The following RANBP2 variants were observed in gnomAD, a reference collection of about 807,000 sequenced individuals.
RANBP2 encodes the protein E3 SUMO-protein ligase RanBP2.
RANBP2 carries 57 observed loss-of-function variants against 303.6 expected under a neutral mutation model. The observed-to-expected ratio is 0.19, with a 90% CI of 0.15 to 0.23. The LOEUF is 0.23. Ranked by LOEUF, RANBP2 falls within the 10% of genes least tolerant of loss-of-function variation. The pLI is 1.00. For missense variants in RANBP2, 3,138 were observed against 3,780.8 expected (o/e 0.83, Z 4.46); for synonymous variants, 1,167 against 1,301.5 (o/e 0.90, Z 2.23).
At chr2:109,442,449 A>G in the RANBP2 span, among the ~76,000 whole-genome samples, 1 of 152,218 alleles carries the variant, frequency 6.6e-6, no homozygotes, top group East Asian at 1.9e-4. Context: ...AACTACATAG[A>G]TAAATATATA....
the RANBP2 span, among the ~76,000 whole-genome samples, chr2:109,467,976 G>T: frequency 4.6e-5 from 7 of 152,230 alleles, no homozygotes; most frequent in Non-Finnish European, 8.8e-5. Context: ...GAGGCAGAGA[G>T]ACCCTGGAGG....
the RANBP2 span, among the ~76,000 whole-genome samples, chr2:108,916,638 C>G: frequency 6.6e-6 from 1 of 152,136 alleles, no homozygotes; most frequent in Non-Finnish European, 1.5e-5. Context: ...AGGCTGGGTG[C>G]TCCCTGGTGT....
the RANBP2 span, among the ~76,000 whole-genome samples, chr2:109,221,539 G>T: frequency 3.4e-5 from 5 of 145,170 alleles, no homozygotes; most frequent in Admixed American, 7.1e-5. Context: ...CCGCGATCGC[G>T]CCAGTGCACT....
the RANBP2 span, among the ~76,000 whole-genome samples, chr2:109,596,474 G>A: frequency 0.36 from 54,204 of 151,792 alleles, 11,303 homozygotes; most frequent in Middle Eastern, 0.55. Context: ...AAAATTAGCC[G>A]AGCGTGCTGG....
rs772008468 is a variant in RANBP2 at position 108,749,127 on chromosome 2, T to G, written c.1271T>G (p.Val424Gly). ...CTTGAAGATTTGACTAGATACGATG[T>G]TGGTAAGTTATATGTTTCAGAGGAA... is the stretch of plus-strand genomic sequence containing the variant. ...PELEDLTRYD[V>G]GAIRAHNGSL... is the part of the protein sequence containing the mutation. The change falls in exon 9 of 29, where the codon GTT (valine) becomes GGT (glycine). Residue 424 changes from valine to glycine, a missense_variant and splice_region_variant. Physicochemically the swap from Val to Gly is moderately radical, Grantham distance 109 (BLOSUM62 -3). Transcript: ENST00000283195. 1.2e-6 allele frequency: 2 copies of G among 1,611,874 alleles called. No individual in the cohort carries two copies. The highest frequency in any genetic ancestry group is 2.7e-5 in the African/African-American group (2 of 74,858).
At chr2:109,741,490 C>T in the RANBP2 span, among the ~76,000 whole-genome samples, 11 of 143,572 alleles carry the variant, frequency 7.7e-5, no homozygotes, top group Admixed American at 4.9e-4. Flanking sequence ...AGGCCGAGGC[C>T]GGCAGATCAC....
the RANBP2 span, among the ~76,000 whole-genome samples, chr2:109,055,721 C>T: frequency 1.2e-3 from 171 of 146,186 alleles, no homozygotes; most frequent in Non-Finnish European, 1.7e-3. Flanking sequence ...TGGTATCTGT[C>T]GTAATGTCTT....
the RANBP2 span, among the ~76,000 whole-genome samples, chr2:108,842,193 A>G: frequency 8.9e-6 from 1 of 112,196 alleles, no homozygotes; most frequent in African/African-American, 3.0e-5. Context: ...ACACCTGGCT[A>G]ATTAAAAAGT....
the RANBP2 span, among the ~76,000 whole-genome samples, chr2:109,201,762 T>G: frequency 6.3e-3 from 962 of 152,170 alleles, 4 homozygotes; most frequent in Non-Finnish European, 9.3e-3. Context: ...GAAAGGAGCA[T>G]TGGTAGGAAA....
chr2:109,173,544 A>G, the RANBP2 span, among the ~76,000 whole-genome samples: 13 of 152,200 alleles, frequency 8.5e-5, no homozygotes, highest in East Asian at 1.9e-4. Context: ...CTGCCTAACA[A>G]CAGAGCTCTA....
the RANBP2 span, chr2:109,432,510 G>T: frequency 3.7e-6 from 6 of 1,613,394 alleles, no homozygotes; most frequent in Admixed American, 6.7e-5. Context: ...GGTACCTGGC[G>T]CTCTACGCCT....
At chr2:108,744,461 C>G (rs188138952) in intron 7 of RANBP2, among the ~76,000 whole-genome samples, 153 of 151,044 alleles carry the variant, frequency 1.0e-3, no homozygotes, top group African/African-American at 3.5e-3. Context: ...GGATTCACAA[C>G]TAATTAACTG....
At chr2:109,678,446 T>G in the RANBP2 span, among the ~76,000 whole-genome samples, 115 of 152,304 alleles carry the variant, frequency 7.6e-4, no homozygotes, top group African/African-American at 2.7e-3. Flanking sequence ...GCATGCTGGC[T>G]TGGCCCTACC....
At chr2:109,365,793 G>A in the RANBP2 span, among the ~76,000 whole-genome samples, 2 of 152,136 alleles carry the variant, frequency 1.3e-5, no homozygotes, top group Non-Finnish European at 2.9e-5. Flanking sequence ...CCCGGCTGTC[G>A]ACTGTACTTG....
At chr2:108,965,485 T>C in the RANBP2 span, among the ~76,000 whole-genome samples, 1 of 143,090 alleles carries the variant, frequency 7.0e-6, no homozygotes. Flanking sequence ...AAAAAGATAA[T>C]AAATGACCCA....
At chr2:108,733,774 T>G (rs1695358438) in intron 4 of RANBP2, among the ~76,000 whole-genome samples, 1 of 152,124 alleles carries the variant, frequency 6.6e-6, no homozygotes, top group East Asian at 1.9e-4. Context: ...TGTAACAAGT[T>G]AGATACTTTG....
chr2:109,526,503 G>A, the RANBP2 span, among the ~76,000 whole-genome samples: 13 of 152,192 alleles, frequency 8.5e-5, no homozygotes, highest in African/African-American at 2.2e-4. Flanking sequence ...GTAGAGGCAG[G>A]GTTTTGCCAT....
the RANBP2 span, among the ~76,000 whole-genome samples, chr2:109,446,239 A>G: frequency 6.6e-6 from 1 of 152,144 alleles, no homozygotes; most frequent in Non-Finnish European, 1.5e-5. Context: ...CAGTGGTTCC[A>G]TTCTGTGAAA....
At chr2:109,585,119 C>A in the RANBP2 span, 1 of 1,525,822 alleles carries the variant, frequency 6.6e-7, no homozygotes, top group African/African-American at 1.4e-5. Context: ...AAGAAGAAAA[C>A]ACATACCTCT....
Sources: gnomAD v4.1 joint callset for allele counts (sites outside exome capture counted in the v4.1 genomes callset) on GRCh38, gnomAD v4.1.1 for gene constraint, MANE v1.5 for transcripts, NCBI Gene and HGNC (gene_info 2026-07-23, HGNC 2026-07-21) for gene names.